Variants in ZC3H7A observed in about 807,000 individuals in gnomAD.
The protein encoded by ZC3H7A is zinc finger CCCH-type containing 7A.
ZC3H7A carries 44 observed loss-of-function variants against 125.5 expected under a neutral mutation model. The ratio of observed to expected loss-of-function variants is 0.35; its 90% CI spans 0.28 to 0.45. ZC3H7A has a LOEUF of 0.45. Among genes scored for constraint, ZC3H7A ranks in the 20% least tolerant of loss-of-function variants. The pLI is 1.00. For missense variants in ZC3H7A, 977 were observed against 1,170.7 expected, an observed-to-expected ratio of 0.83 and a Z score of 2.41; for synonymous variants, 399 against 391.2, an observed-to-expected ratio of 1.02 and a Z score of -0.23.
intron 19 of ZC3H7A, among the ~76,000 whole-genome samples, chr16:11,760,908 G>A (rs947635137): frequency 6.6e-6 from 1 of 152,208 alleles, no homozygotes; most frequent in Non-Finnish European, 1.5e-5. Context: ...TGAAGAACAT[G>A]TTCCTCTAAC....
At chr16:11,763,367 C>A in intron 16 of ZC3H7A, 111 bp downstream of exon 16, 1 of 1,148,746 alleles carries the variant, frequency 8.7e-7, no homozygotes, top group Non-Finnish European at 1.2e-6. Context: ...CCTCAGCCTC[C>A]CAAAGTAGTG....
At chr16:11,759,156 G>A (rs2052700336) in intron 19 of ZC3H7A, 1 of 152,160 alleles carries the variant, frequency 6.6e-6, no homozygotes, top group Non-Finnish European at 1.5e-5. Context: ...GATACTGGTA[G>A]GAAAATAAAG....
intron 15 of ZC3H7A, 31 bp from the exon 16 acceptor site, chr16:11,763,690 G>C (rs368702688): frequency 4.1e-6 from 5 of 1,219,892 alleles, no homozygotes; most frequent in African/African-American, 2.1e-5. Flanking sequence ...TTTTAATATT[G>C]TTCTGCCATA....
chr16:11,779,257 A>G lies in ZC3H7A; in HGVS notation c.215T>C (p.Ile72Thr), dbSNP rs779365344. 5 of 1,613,884 alleles carry G rather than the reference A, an allele frequency of 3.1e-6. No homozygotes were observed. The highest frequency in any genetic ancestry group is 1.7e-5 in the Admixed American group (1 of 60,004). The change falls in exon 4 of 23, where the codon ATA becomes ACA. Residue 72 changes from isoleucine (I) to threonine (T), a missense_variant. This residue lies in a region of ZC3H7A where 199 missense variants were observed against 256.1 expected (regional missense o/e 0.78). Transcript: ENST00000355758. ...SISQYTEALNIADYAKSEEIL... is the reference protein window; with the variant it reads ...SISQYTEALNTADYAKSEEIL... ...TTCTTCAGATTTTGCATAATCAGCT[A>G]TATTCAAGGCTTCCGTGTACTGGCT...
In ZC3H7A at chr16:11,769,710, C is replaced by CAAAAAAAAAAAAAAAAA. The variant is rs529124830; in HGVS notation, c.1109-632_1109-616dup. Among the ~76,000 whole-genome samples the CAAAAAAAAAAAAAAAAA allele has an allele frequency of 1.7e-3, 56 of 32,552 alleles. 15 individuals are homozygous for CAAAAAAAAAAAAAAAAA. The highest frequency in any genetic ancestry group is 7.7e-3 in the African/African-American group (41 of 5,326). 21.4% of individuals were successfully genotyped at this position (32,552 alleles called of 152,430 possible). A position where few individuals can be genotyped will look rare whatever the true frequency, so the allele number is the denominator to read the frequency against. On this transcript the variant is annotated intron_variant, in intron 10 of 22. Transcript: ENST00000355758. ...TGGGCAACAGAGTGAGACTCTGTCTCAAAAAAAAAAAAAAAAAAAGCAGGA... is the reference window on the plus strand; with the variant it reads ...TGGGCAACAGAGTGAGACTCTGTCTCAAAAAAAAAAAAAAAAAAAAAAAAAAAAAAAAAAAAGCAGGA...
At chr16:11,776,395 C>G in intron 6 of ZC3H7A, 37 bp from the exon 7 acceptor site, 1 of 1,605,622 alleles carries the variant, frequency 6.2e-7, no homozygotes, top group Non-Finnish European at 8.5e-7. Context: ...AAAAACAGAA[C>G]TGACTCCAAG....
At chr16:11,793,580 A>G (rs1339451565) in intron 1 of ZC3H7A, among the ~76,000 whole-genome samples, 1 of 152,150 alleles carries the variant, frequency 6.6e-6, no homozygotes, top group Non-Finnish European at 1.5e-5. Flanking sequence ...TCCACTCCAT[A>G]TTCAATTCTA....
intron 1 of ZC3H7A, chr16:11,796,332 C>G (rs1432731962): frequency 6.6e-6 from 1 of 152,236 alleles, no homozygotes; most frequent in African/African-American, 2.4e-5. Flanking sequence ...TCGTCCCAAA[C>G]GGCGGGGGGT....
chr16:11,781,852 G>A (rs1019630453), intron 2 of ZC3H7A, among the ~76,000 whole-genome samples: 4 of 152,080 alleles, frequency 2.6e-5, no homozygotes, highest in African/African-American at 9.7e-5. Context: ...AAGGAACAAA[G>A]AGGCCCTTCT....
chr16:11,770,503 T>C (rs551418168), intron 10 of ZC3H7A, among the ~76,000 whole-genome samples: 1 of 152,288 alleles, frequency 6.6e-6, no homozygotes, highest in South Asian at 2.1e-4. Flanking sequence ...TACATTGTCA[T>C]TTCACCCCCA....
At chr16:11,763,945 A>C (rs1041034011) in intron 15 of ZC3H7A, among the ~76,000 whole-genome samples, 6 of 150,942 alleles carry the variant, frequency 4.0e-5, no homozygotes, top group African/African-American at 1.5e-4. Flanking sequence ...TTGGGACTAC[A>C]GGCGCCCACC....
intron 10 of ZC3H7A, 62 bp downstream of exon 10, chr16:11,770,717 CCAAA>C (rs1270755377): frequency 9.1e-6 from 13 of 1,436,220 alleles, no homozygotes; most frequent in South Asian, 5.1e-5. Flanking sequence ...TAAATAATTG[CCAAA>C]CAAACATTTT....
At chr16:11,753,158 A>G (rs2141150925) in intron 21 of ZC3H7A, 1 of 254,736 alleles carries the variant, frequency 3.9e-6, no homozygotes, top group East Asian at 9.6e-5. Flanking sequence ...AAAAGCAGAA[A>G]GGATGAGAAA....
chr16:11,780,323 G>C (rs2053154944), intron 3 of ZC3H7A, among the ~76,000 whole-genome samples: 1 of 151,968 alleles, frequency 6.6e-6, no homozygotes. Flanking sequence ...GTTTCGCCAT[G>C]TTGCCCAGGC....
At chr16:11,754,321 A>AAAAATAT (rs763451215) in intron 21 of ZC3H7A, among the ~76,000 whole-genome samples, 1 of 140,454 alleles carries the variant, frequency 7.1e-6, no homozygotes, top group Non-Finnish European at 1.5e-5. Flanking sequence ...AAGAAAAAAA[A>AAAAATAT]ATATATATAT....
At chr16:11,755,847 G>A (rs968782880) in intron 21 of ZC3H7A, among the ~76,000 whole-genome samples, 1 of 152,136 alleles carries the variant, frequency 6.6e-6, no homozygotes, top group African/African-American at 2.4e-5. Flanking sequence ...GTGAGTGACG[G>A]AGCCGGGTTT....
rs2053185752 is a variant in ZC3H7A, at chr16:11,782,343, C to T, written c.12G>A (p.Val4=). The stretch of plus-strand genomic sequence containing the variant: ...GCTGCCTTTTTCTTCTCTCCTCGGA[C>T]ACATTGGACATGTTATCCCACACAT... MSN[V]SEERRKRQQN... The change falls in exon 2 of 23, where the codon GTG becomes GTA. Residue 4 remains valine, a synonymous_variant. Coordinates refer to ENST00000355758, the MANE Select transcript of ZC3H7A (RefSeq NM_014153.4). The T allele has an allele frequency of 6.2e-7, 1 of 1,614,136 alleles. No homozygotes were observed. The highest frequency in any genetic ancestry group is 1.7e-5 in the Admixed American group (1 of 60,004).
In ZC3H7A at chr16:11,751,359, A is replaced by G; in HGVS notation, c.2874T>C (p.Asn958=). 1 of 1,613,710 alleles carries G rather than the reference A, an allele frequency of 6.2e-7. No homozygotes were observed. Residue 958 remains asparagine (N), a synonymous_variant, in exon 23 of 23, where the codon AAT becomes AAC. Coordinates refer to ENST00000355758, the MANE Select transcript of ZC3H7A (RefSeq NM_014153.4). ...ACAAAAAACTATATTTTCCAAAGTC[A>G]TTATCATTTGGGCCAATTAAGTGAT... ...RKDHLIGPND[N]DFGKYSFLFK...
chr16:11,783,403 A>C (rs561035967), intron 1 of ZC3H7A, among the ~76,000 whole-genome samples: 15 of 152,260 alleles, frequency 9.9e-5, no homozygotes, highest in Non-Finnish European at 1.9e-4. Context: ...CAGAGAAGAG[A>C]TCTGAGATAA....
Sources: gnomAD v4.1 joint callset for allele counts (sites outside exome capture counted in the v4.1 genomes callset) on GRCh38, gnomAD v4.1.1 for gene constraint, gnomAD v4.1.1 regional missense constraint, MANE v1.5 for transcripts, NCBI Gene and HGNC (gene_info 2026-07-23, HGNC 2026-07-21) for gene names.